NDRG3: variants seen among roughly 807,000 people sequenced by gnomAD.
The protein encoded by NDRG3 is NDRG family member 3, also known as protein NDRG3.
In NDRG3, 23 loss-of-function variants were observed where a neutral mutation model predicts 57.2. The observed-to-expected ratio is 0.40, with a 90% CI of 0.29 to 0.57. The LOEUF is 0.57. NDRG3 is among the 20% of genes least tolerant of loss of function. The pLI, the probability that NDRG3 is intolerant of heterozygous loss-of-function variation, is 0.42. For missense variants in NDRG3, 384 were observed against 457.3 expected, an observed-to-expected ratio of 0.84 and a Z score of 1.46; for synonymous variants, 132 against 162.6, an observed-to-expected ratio of 0.81 and a Z score of 1.43.
At chr20:36,712,574 TATATATATA>T (rs1181294354) in intron 2 of NDRG3, among the ~76,000 whole-genome samples, 28 of 19,384 alleles carry the variant, frequency 1.4e-3, no homozygotes, top group Non-Finnish European at 2.6e-3. Flanking sequence ...TATATATATA[TATATATATA>T]TATATTTTTT....
At chr20:36,716,730 C>G (rs1252265002) in intron 2 of NDRG3, among the ~76,000 whole-genome samples, 1 of 152,022 alleles carries the variant, frequency 6.6e-6, no homozygotes, top group African/African-American at 2.4e-5. Flanking sequence ...AGTATCTGAA[C>G]CTAGTAGGTA....
intron 3 of NDRG3, among the ~76,000 whole-genome samples, chr20:36,693,141 T>TATATATATATATAC (rs1323122806): frequency 2.9e-5 from 1 of 34,610 alleles, no homozygotes; most frequent in African/African-American, 9.3e-5. Context: ...TATATATATA[T>TATATATATATATAC]ACACACACAC....
At position 36,666,325 on chromosome 20, in the gene NDRG3, T is replaced by G; in HGVS notation, c.656A>C (p.Gln219Pro). 1 of 1,614,116 alleles carries G rather than the reference T, an allele frequency of 6.2e-7. No homozygotes were observed. Among genetic ancestry groups the G allele is most frequent in the Non-Finnish European group, 8.5e-7 (1 of 1,179,962 alleles). The change falls in exon 10 of 16, where the codon CAA becomes CCA. Residue 219 changes from glutamine to proline, a missense_variant. Physicochemically the swap from Gln to Pro is moderately conservative, Grantham distance 76 (BLOSUM62 -1). Coordinates refer to ENST00000349004, the MANE Select transcript of NDRG3 (RefSeq NM_032013.4). ...YRMHIAQDIN[Q>P]DNLQLFLNSY... is the part of the protein sequence containing the mutation. ...ATTCAAGAAGAGCTGCAGGTTGTCT[T>G]GGTTGATGTCTTGGGCAATATGCAT...
chr20:36,741,879 G>C (rs1040704669), intron 1 of NDRG3, among the ~76,000 whole-genome samples: 7 of 152,150 alleles, frequency 4.6e-5, no homozygotes, highest in Non-Finnish European at 8.8e-5. Flanking sequence ...AAGCTCTCAA[G>C]GTAATGCTGG....
intron 8 of NDRG3, among the ~76,000 whole-genome samples, chr20:36,675,059 AT>A (rs34154196): frequency 0.042 from 4,231 of 101,174 alleles, 115 homozygotes; most frequent in African/African-American, 0.12. Context: ...CACAACTGGC[AT>A]TTTTTTTTTT....
At chr20:36,695,651 C>G (rs990690603) in intron 3 of NDRG3, among the ~76,000 whole-genome samples, 1 of 152,192 alleles carries the variant, frequency 6.6e-6, no homozygotes, top group African/African-American at 2.4e-5. Context: ...TCCAGCCTGG[C>G]AAATTCTAGT....
intron 1 of NDRG3, among the ~76,000 whole-genome samples, chr20:36,723,499 T>C (rs1443310067): frequency 6.6e-6 from 1 of 152,048 alleles, no homozygotes; most frequent in African/African-American, 2.4e-5. Flanking sequence ...TGAGTACCCA[T>C]TGCACTATGG....
intron 2 of NDRG3, among the ~76,000 whole-genome samples, chr20:36,718,118 G>T (rs986451088): frequency 6.6e-6 from 1 of 152,202 alleles, no homozygotes; most frequent in African/African-American, 2.4e-5. Context: ...AGGTTCAAAT[G>T]AAGTAATGGA....
intron 1 of NDRG3, among the ~76,000 whole-genome samples, chr20:36,741,218 C>T (rs965934461): frequency 4.6e-5 from 7 of 152,070 alleles, no homozygotes; most frequent in Non-Finnish European, 8.8e-5. Context: ...ATTTACTAAG[C>T]GCCTATTATC....
chr20:36,725,926 C>CTTTTTT (rs35120120), intron 1 of NDRG3, among the ~76,000 whole-genome samples: 1 of 123,636 alleles, frequency 8.1e-6, no homozygotes. Flanking sequence ...CCTAGTGTTC[C>CTTTTTT]TTTTTTTTTT....
chr20:36,728,714 G>GT (rs1327525591), intron 1 of NDRG3, among the ~76,000 whole-genome samples: 1 of 151,940 alleles, frequency 6.6e-6, no homozygotes, highest in Non-Finnish European at 1.5e-5. Flanking sequence ...AGGCATTTTG[G>GT]TTTTTTTGTT....
chr20:36,665,404 T>C (rs1449016743), intron 10 of NDRG3, 103 bp from the exon 11 acceptor site: 4 of 1,039,816 alleles, frequency 3.8e-6, no homozygotes, highest in Non-Finnish European at 6.0e-6. Flanking sequence ...AATGCGAAAC[T>C]ATCTTTCCTT....
intron 7 of NDRG3, among the ~76,000 whole-genome samples, chr20:36,681,375 C>T (rs1186447903): frequency 1.3e-5 from 2 of 151,880 alleles, no homozygotes; most frequent in African/African-American, 2.4e-5. Flanking sequence ...CGGTGGCTCA[C>T]GCCTGTAATC....
At chr20:36,733,907 T>C (rs933739285) in intron 1 of NDRG3, among the ~76,000 whole-genome samples, 1 of 152,158 alleles carries the variant, frequency 6.6e-6, no homozygotes, top group African/African-American at 2.4e-5. Context: ...TCTTTATACC[T>C]TTGAACAGTG....
At position 36,719,805 on chromosome 20, in the gene NDRG3, G is replaced by T. The variant is rs1018893593; in HGVS notation, c.57+1874C>A. On this transcript the variant is annotated intron_variant, in intron 2 of 15. Coordinates refer to ENST00000349004, the MANE Select transcript of NDRG3 (RefSeq NM_032013.4). Reference sequence around the variant, plus strand: ...AGGGGACAATGACAATACACCAAAAGAATAGAGTGGAAAAGAAGGAATTTC... The same window carrying T: ...AGGGGACAATGACAATACACCAAAATAATAGAGTGGAAAAGAAGGAATTTC... Among the ~76,000 whole-genome samples the T allele has an allele frequency of 5.9e-5, 9 of 151,506 alleles. No homozygotes were observed. In the East Asian group the frequency reaches 1.6e-3, roughly 26 times the overall value.
intron 8 of NDRG3, among the ~76,000 whole-genome samples, chr20:36,674,551 T>C (rs933305914): frequency 6.6e-6 from 1 of 150,454 alleles, no homozygotes; most frequent in African/African-American, 2.5e-5. Context: ...AAAAAGTTCC[T>C]AGATATGGAC....
chr20:36,724,196 C>T (rs1487365361), intron 1 of NDRG3, among the ~76,000 whole-genome samples: 1 of 152,140 alleles, frequency 6.6e-6, no homozygotes, highest in Non-Finnish European at 1.5e-5. Context: ...GCCCTCTTAT[C>T]ATTTATTCAA....
intron 5 of NDRG3, among the ~76,000 whole-genome samples, chr20:36,686,975 C>T (rs1981839169): frequency 6.6e-6 from 1 of 152,016 alleles, no homozygotes; most frequent in Admixed American, 6.6e-5. Flanking sequence ...CCACAACAGC[C>T]TCCCAAGCAG....
chr20:36,662,832 C>T (rs1383054248), intron 12 of NDRG3, among the ~76,000 whole-genome samples: 2 of 152,062 alleles, frequency 1.3e-5, no homozygotes, highest in African/African-American at 2.4e-5. Flanking sequence ...ATGTGGAAAT[C>T]AGAAAGAGGG....
Sources: gnomAD v4.1 joint callset for allele counts (sites outside exome capture counted in the v4.1 genomes callset) on GRCh38, gnomAD v4.1.1 for gene constraint, MANE v1.5 for transcripts, NCBI Gene and HGNC (gene_info 2026-07-23, HGNC 2026-07-21) for gene names.